Variants in TTC28 observed in about 807,000 individuals in gnomAD.
The protein encoded by TTC28 is tetratricopeptide repeat protein 28.
TTC28 carries 61 observed loss-of-function variants against 198.0 expected under a neutral mutation model. The observed-to-expected ratio is 0.31, with a 90% CI of 0.25 to 0.38. TTC28 has a LOEUF of 0.38. Ranked by LOEUF, TTC28 falls within the 10% of genes least tolerant of loss-of-function variation. The pLI, the probability that TTC28 is intolerant of heterozygous loss-of-function variation, is 1.00. For missense variants in TTC28, 2,678 were observed against 3,164.0 expected (o/e 0.85, Z 3.69); for synonymous variants, 1,171 against 1,297.8 (o/e 0.90, Z 2.10).
In TTC28 at chr22:27,992,617, G is replaced by A; in HGVS notation, c.5523C>T (p.Ala1841=). The A allele has an allele frequency of 1.9e-6, 3 of 1,551,666 alleles. No individual in the cohort carries two copies. Among genetic ancestry groups the A allele is most frequent in the Non-Finnish European group, 2.6e-6 (3 of 1,146,982 alleles). The stretch of plus-strand genomic sequence containing the variant: ...TGATGAGCTGCTCGCCCGTCTCGGA[G>A]GCAGTGATGAGTTTGCAAAGGGCTT... ...ALQALCKLIT[A]SETGEQLISR... Residue 1841 remains alanine, a synonymous_variant, in exon 19 of 23, where the codon GCC becomes GCT. Transcript: ENST00000397906.
At chr22:28,423,363 C>T (rs2146178658) in intron 2 of TTC28, among the ~76,000 whole-genome samples, 1 of 152,130 alleles carries the variant, frequency 6.6e-6, no homozygotes, top group South Asian at 2.1e-4. Context: ...GCACTCCAGC[C>T]TGGGCGACAG....
At chr22:28,157,740 A>T (rs1943781262) in intron 6 of TTC28, among the ~76,000 whole-genome samples, 1 of 152,316 alleles carries the variant, frequency 6.6e-6, no homozygotes, top group East Asian at 1.9e-4. Flanking sequence ...CGCTCAAAAA[A>T]ACGGGATATA....
intron 2 of TTC28, among the ~76,000 whole-genome samples, chr22:28,434,431 C>A (rs1426468670): frequency 6.6e-6 from 1 of 152,150 alleles, no homozygotes; most frequent in African/African-American, 2.4e-5. Context: ...TGCCTGTAAT[C>A]CCAGCACTTT....
At chr22:27,984,306 T>C (rs565782446) in intron 22 of TTC28, among the ~76,000 whole-genome samples, 71 of 152,140 alleles carry the variant, frequency 4.7e-4, no homozygotes, top group Admixed American at 4.5e-3. Context: ...ACACTGCCTC[T>C]CCCCCATTCT....
intron 5 of TTC28, among the ~76,000 whole-genome samples, chr22:28,198,432 GA>G (rs1425303518): frequency 6.6e-6 from 1 of 152,014 alleles, no homozygotes; most frequent in East Asian, 1.9e-4. Context: ...TCACATTATA[GA>G]AAAAAATTAT....
chr22:28,659,896 C>T (rs187416703), intron 1 of TTC28, among the ~76,000 whole-genome samples: 3 of 151,478 alleles, frequency 2.0e-5, no homozygotes, highest in African/African-American at 4.8e-5. Flanking sequence ...CCTCCTGGGC[C>T]GAACTGATCC....
intron 1 of TTC28, 78 bp downstream of exon 1, chr22:28,679,544 C>A: frequency 1.1e-6 from 1 of 905,050 alleles, no homozygotes. Flanking sequence ...CGCTCCTCTG[C>A]CGCTGAGGCC....
chr22:28,616,680 C>T (rs1242680101), intron 2 of TTC28, among the ~76,000 whole-genome samples: 3 of 151,902 alleles, frequency 2.0e-5, no homozygotes, highest in East Asian at 1.9e-4. Context: ...AGTGAAACCC[C>T]GTCTCTACAA....
intron 2 of TTC28, among the ~76,000 whole-genome samples, chr22:28,426,822 A>C (rs922606689): frequency 6.6e-6 from 1 of 152,182 alleles, no homozygotes; most frequent in African/African-American, 2.4e-5. Flanking sequence ...AAAGTAACCA[A>C]GCAAAAATCC....
intron 2 of TTC28, among the ~76,000 whole-genome samples, chr22:28,490,294 C>A (rs1038083308): frequency 6.6e-6 from 1 of 152,190 alleles, no homozygotes; most frequent in African/African-American, 2.4e-5. Context: ...CCCAAAATGT[C>A]ATGGCTTTAA....
At chr22:28,239,512 T>A (rs768337960) in intron 5 of TTC28, among the ~76,000 whole-genome samples, 40 of 152,274 alleles carry the variant, frequency 2.6e-4, no homozygotes, top group Non-Finnish European at 4.9e-4. Flanking sequence ...GAATGAGCAT[T>A]TGCTTACCTG....
Position 28,116,823 on chromosome 22 carries a change from T to A in TTC28, c.1442-8420A>T, listed in dbSNP as rs370023253. On this transcript the variant is annotated intron_variant, in intron 6 of 22. Coordinates refer to ENST00000397906, the MANE Select transcript of TTC28 (RefSeq NM_001145418.2). ...CTCTAGCCTACAAAGTGTAGTCAAGTGGAATTTGTGCGCTTTCCTGATTCA... is the reference window on the plus strand; with the variant it reads ...CTCTAGCCTACAAAGTGTAGTCAAGAGGAATTTGTGCGCTTTCCTGATTCA... Among the ~76,000 whole-genome samples, 36 of 152,250 alleles carry A rather than the reference T, an allele frequency of 2.4e-4. No homozygotes were observed. The East Asian group carries it at 3.9e-3, about 16-fold the overall frequency.
In TTC28 at chr22:28,306,479, A is replaced by G; in HGVS notation, c.529+17T>C. Reference sequence around the variant, plus strand: ...TCTTTAAATTAATGTTATACCAAGTACTTTTATCATATTTACCTCTCATGG... The same window carrying G: ...TCTTTAAATTAATGTTATACCAAGTGCTTTTATCATATTTACCTCTCATGG... On this transcript the variant is annotated intron_variant, in intron 3 of 22. Coordinates refer to ENST00000397906, the MANE Select transcript of TTC28 (RefSeq NM_001145418.2). The G allele has an allele frequency of 6.5e-7, 1 of 1,545,260 alleles. No individual in the cohort carries two copies. Among genetic ancestry groups the G allele is most frequent in the South Asian group, 1.2e-5 (1 of 82,556 alleles).
intron 12 of TTC28, among the ~76,000 whole-genome samples, chr22:28,081,955 T>C (rs909580675): frequency 6.6e-6 from 1 of 152,260 alleles, no homozygotes; most frequent in Admixed American, 6.5e-5. Context: ...GTTTTCAGTA[T>C]ATGGGTCTTT....
chr22:28,369,825 T>C (rs573944161), intron 2 of TTC28, among the ~76,000 whole-genome samples: 40 of 152,124 alleles, frequency 2.6e-4, no homozygotes, highest in Non-Finnish European at 5.1e-4. Context: ...AATAAATGTG[T>C]AAAATATATA....
chr22:28,177,025 T>A (rs1365262717), intron 5 of TTC28, among the ~76,000 whole-genome samples: 1 of 152,178 alleles, frequency 6.6e-6, no homozygotes, highest in African/African-American at 2.4e-5. Context: ...AAAATTAAGT[T>A]GAACTTCATT....
chr22:28,196,011 G>A (rs1370021266), intron 5 of TTC28, among the ~76,000 whole-genome samples: 1 of 151,842 alleles, frequency 6.6e-6, no homozygotes, highest in African/African-American at 2.4e-5. Context: ...AAAGCTGGAG[G>A]CATCACGCTA....
rs148059147 is a variant in TTC28 at position 28,525,579 on chromosome 22, T to C, written c.381+103973A>G. Among the ~76,000 whole-genome samples the C allele has an allele frequency of 1.8e-4, 28 of 152,334 alleles. No individual in the cohort carries two copies. In the South Asian group the frequency reaches 5.6e-3, roughly 30 times the overall value. ...AGGGAAAGGTGAAAATTTTTAAACT[T>C]AAGAGAACTTCATTTTTTCTTTTAT... On this transcript the variant is annotated intron_variant, in intron 2 of 22. Coordinates refer to ENST00000397906, the MANE Select transcript of TTC28 (RefSeq NM_001145418.2).
chr22:28,569,437 A>T (rs1157669964), intron 2 of TTC28, among the ~76,000 whole-genome samples: 1 of 152,148 alleles, frequency 6.6e-6, no homozygotes, highest in African/African-American at 2.4e-5. Flanking sequence ...GACAAAGATG[A>T]CAATAACAAG....
Sources: allele counts gnomAD v4.1 joint callset (sites outside exome capture counted in the v4.1 genomes callset), GRCh38; gene constraint gnomAD v4.1.1; transcripts MANE v1.5; gene names NCBI Gene and HGNC (gene_info 2026-07-23, HGNC 2026-07-21).